The following PABPN1L variants were observed in gnomAD, a reference collection of about 807,000 sequenced individuals.
PABPN1L encodes PABPN1 like, cytoplasmic, also known as embryonic polyadenylate-binding protein 2.
PABPN1L carries 45 observed loss-of-function variants against 34.0 expected under a neutral mutation model. That is an observed-to-expected ratio of 1.32 (90% confidence interval 1.04 to 1.70). The LOEUF (loss-of-function observed/expected upper bound fraction) is 1.70. Among genes scored for constraint, PABPN1L ranks in the 40% most tolerant of loss-of-function variants. PABPN1L has a pLI of 0.00. For missense variants in PABPN1L, 459 were observed against 367.8 expected, an observed-to-expected ratio of 1.25 and a Z score of -2.03; for synonymous variants, 182 against 152.1, an observed-to-expected ratio of 1.20 and a Z score of -1.45.
At chr16:88,865,262 C>T in intron 3 of PABPN1L, 134 bp from the exon 4 acceptor site, 2 of 917,192 alleles carry the variant, frequency 2.2e-6, no homozygotes, top group Non-Finnish European at 3.3e-6. Context: ...ACCCCACACC[C>T]CCGCTGGGGT....
At chr16:88,864,263 G>T in exon 6 of PABPN1L, 1 of 1,558,032 alleles carries the variant, frequency 6.4e-7, no homozygotes, top group East Asian at 2.4e-5. Context: ...GTCTGAGCCG[G>T]GGCCTGCCCT....
chr16:88,865,095 C>T, exon 4 of PABPN1L: 2 of 1,587,624 alleles, frequency 1.3e-6, no homozygotes, highest in Non-Finnish European at 1.7e-6. Context: ...CTGAAGTGGG[C>T]CTCCAGCTCC....
intron 5 of PABPN1L, among the ~76,000 whole-genome samples, 199 bp downstream of exon 5, chr16:88,864,654 C>T (rs1968544024): frequency 6.6e-6 from 1 of 152,140 alleles, no homozygotes; most frequent in Admixed American, 6.5e-5. Context: ...CGAGAGGGGA[C>T]ACTTCCCCAC....
chr16:88,866,013 G>C, intron 1 of PABPN1L, 72 bp from the exon 2 acceptor site: 6 of 1,482,190 alleles, frequency 4.0e-6, no homozygotes, highest in Non-Finnish European at 5.4e-6. Context: ...TGTGTGGCCT[G>C]CCAGCTCCAG....
chr16:88,863,940 A>G, intron 6 of PABPN1L, 145 bp from the exon 7 acceptor site: 1 of 932,534 alleles, frequency 1.1e-6, no homozygotes, highest in East Asian at 2.6e-5. Flanking sequence ...GGTGACTCCC[A>G]GCTGCTCTCT....
chr16:88,866,661 G>A (rs1368082773), upstream of PABPN1L: 9 of 1,475,144 alleles, frequency 6.1e-6, no homozygotes, highest in Admixed American at 4.7e-5. Flanking sequence ...CACTCCCCTC[G>A]CGTCCGCACC....
intron 6 of PABPN1L, 132 bp from the exon 7 acceptor site, chr16:88,863,927 T>A: frequency 1.0e-6 from 1 of 967,382 alleles, no homozygotes; most frequent in Non-Finnish European, 1.5e-6. Context: ...CAGGGGCCTT[T>A]CTGGTGACTC....
chr16:88,865,359 A>G (rs1968565824), intron 3 of PABPN1L, among the ~76,000 whole-genome samples: 1 of 151,342 alleles, frequency 6.6e-6, no homozygotes, highest in South Asian at 2.1e-4. Context: ...AAAAGTGGAG[A>G]TTTCATGTGC....
intron 3 of PABPN1L, among the ~76,000 whole-genome samples, 165 bp from the exon 4 acceptor site, chr16:88,865,293 A>G (rs1968564102): frequency 6.6e-6 from 1 of 151,384 alleles, no homozygotes; most frequent in African/African-American, 2.4e-5. Context: ...AGAGGAAAGG[A>G]TATCTCGTAT....
At chr16:88,863,624 A>G in exon 7 of PABPN1L, 2 of 1,160,556 alleles carry the variant, frequency 1.7e-6, no homozygotes, top group South Asian at 1.3e-5. Context: ...AGAGGGGGCC[A>G]GTGGCTGCTC....
rs766988844 is a variant in PABPN1L, at chr16:88,864,952, G to A, written c.567-12C>T. ...CTATGTAGGCATAACTGAGGGGAGG[G>A]GCAGGGAGGGGAGGGGTGAGGCTGG... is the stretch of plus-strand genomic sequence containing the variant. On this transcript the variant is annotated splice_polypyrimidine_tract_variant and intron_variant, in intron 4 of 6. Coordinates refer to ENST00000419291, the Ensembl canonical transcript of PABPN1L. 54 of 1,581,406 alleles carry A rather than the reference G, an allele frequency of 3.4e-5. No individual in the cohort carries two copies. The highest frequency in any genetic ancestry group is 3.3e-4 in the Middle Eastern group (2 of 5,988).
At chr16:88,865,776 TG>T (rs759626154) in intron 2 of PABPN1L, 29 bp downstream of exon 2, 14 of 1,585,924 alleles carry the variant, frequency 8.8e-6, no homozygotes, top group Admixed American at 1.7e-5. Flanking sequence ...CCTTGCTCAG[TG>T]GGGGGCGGCC....
intron 6 of PABPN1L, 101 bp downstream of exon 6, chr16:88,864,136 C>G (rs1334830757): frequency 2.1e-6 from 3 of 1,407,702 alleles, no homozygotes; most frequent in East Asian, 2.5e-5. Flanking sequence ...CAGGTACATT[C>G]CTGCAGCCCC....
rs1968591705 is a variant in PABPN1L at position 88,866,306 on chromosome 16, T to C, written c.255+46A>G. 2.0e-6 allele frequency: 3 copies of C among 1,526,132 alleles called. No individual in the cohort carries two copies. In the South Asian group the frequency reaches 3.7e-5, roughly 19 times the overall value. The allele number at this position is 1,526,132 out of a possible 1,614,324, so 94.5% of individuals were successfully genotyped here. On this transcript the variant is annotated intron_variant, in intron 1 of 6. Coordinates refer to ENST00000419291, the Ensembl canonical transcript of PABPN1L. ...GACCCCGTGTCTCCACCAGCCCCTG[T>C]GCCCCAGGTCCCCTGAGATCCCCAG... is the stretch of plus-strand genomic sequence containing the variant.
intron 2 of PABPN1L, 39 bp downstream of exon 2, chr16:88,865,767 C>T (rs764195258): frequency 1.3e-6 from 2 of 1,580,802 alleles, no homozygotes; most frequent in Admixed American, 1.7e-5. Flanking sequence ...CTGTGGGACC[C>T]TTGCTCAGTG....
upstream of PABPN1L, among the ~76,000 whole-genome samples, chr16:88,869,529 G>A (rs1968659829): frequency 6.6e-6 from 1 of 152,242 alleles, no homozygotes; most frequent in Non-Finnish European, 1.5e-5. Context: ...CTCAGGGGCA[G>A]CGCCCACATC....
chr16:88,864,358 A>G (rs1968530975), exon 6 of PABPN1L: 1 of 1,556,206 alleles, frequency 6.4e-7, no homozygotes, highest in East Asian at 2.4e-5. Context: ...ATCCCAGGGA[A>G]GTTGGTTCTT....
At chr16:88,863,422 A>T (rs1007617794) in exon 7 of PABPN1L, 3 of 479,408 alleles carry the variant, frequency 6.3e-6, no homozygotes, top group Non-Finnish European at 1.1e-5. Flanking sequence ...TTAGTTGAAG[A>T]GCTGAGCATG....
At chr16:88,866,197 G>A (rs888398956) in intron 1 of PABPN1L, among the ~76,000 whole-genome samples, 155 bp downstream of exon 1, 3 of 152,208 alleles carry the variant, frequency 2.0e-5, no homozygotes, top group African/African-American at 4.8e-5. Flanking sequence ...GGCTGGGGGC[G>A]GGGGGTCTCC....
Sources: allele counts gnomAD v4.1 joint callset (sites outside exome capture counted in the v4.1 genomes callset), GRCh38; gene constraint gnomAD v4.1.1; transcripts MANE v1.5; gene names NCBI Gene and HGNC (gene_info 2026-07-23, HGNC 2026-07-21).